The following DPP6 variants were observed in gnomAD, a reference collection of about 807,000 sequenced individuals.
DPP6 encodes the protein A-type potassium channel modulatory protein DPP6.
A neutral mutation model predicts 122.6 loss-of-function variants in DPP6; 69 were observed. The observed-to-expected ratio is 0.56, with a 90% CI of 0.46 to 0.69. The LOEUF is 0.69. Among genes scored for constraint, DPP6 ranks in the 30% least tolerant of loss-of-function variants. The probability of loss-of-function intolerance (pLI) is 0.00; values close to 1 mark genes in which losing one functional copy is unlikely to be tolerated. For synonymous variants in DPP6, 418 were observed against 433.1 expected (o/e 0.97, Z 0.43); for missense variants, 928 against 1,116.9 (o/e 0.83, Z 2.41).
chr7:153,958,323 A>T (rs1007834198), intron 1 of DPP6, among the ~76,000 whole-genome samples: 4 of 152,108 alleles, frequency 2.6e-5, no homozygotes, highest in Non-Finnish European at 4.4e-5. Context: ...TATTTTTCCA[A>T]TGTTGTCCTG....
At chr7:153,765,777 T>C in the DPP6 span, among the ~76,000 whole-genome samples, 1 of 152,218 alleles carries the variant, frequency 6.6e-6, no homozygotes, top group Non-Finnish European at 1.5e-5. Context: ...TGGAAAAATC[T>C]CATTTTCTTT....
Position 154,000,648 on chromosome 7 carries a change from A to G in DPP6, c.51+112914A>G, listed in dbSNP as rs557546202. Among the ~76,000 whole-genome samples the G allele has an allele frequency of 2.0e-5, 3 of 152,288 alleles. No homozygotes were observed. In the East Asian group the frequency reaches 5.8e-4, roughly 29 times the overall value. ...CCTAGAGAAGTTATTTTGGCTTTCA[A>G]GTTTTCATCTTTAATAAGAAGGGTT... On this transcript the variant is annotated intron_variant, in intron 1 of 25. Coordinates refer to the DPP6 transcript ENST00000404039.
At chr7:154,034,942 G>A (rs1264606982) in intron 1 of DPP6, among the ~76,000 whole-genome samples, 1 of 150,780 alleles carries the variant, frequency 6.6e-6, no homozygotes, top group Non-Finnish European at 1.5e-5. Flanking sequence ...AACCCAGATG[G>A]AAAGAACTGA....
intron 16 of DPP6, among the ~76,000 whole-genome samples, chr7:154,839,747 G>T (rs928941733): frequency 5.9e-5 from 9 of 152,134 alleles, no homozygotes; most frequent in African/African-American, 2.2e-4. Context: ...CTCAGGCAAA[G>T]AACAGCACAG....
chr7:154,398,595 G>A (rs976696555), intron 1 of DPP6, among the ~76,000 whole-genome samples: 4 of 151,282 alleles, frequency 2.6e-5, no homozygotes, highest in African/African-American at 9.8e-5. Flanking sequence ...ATTTCAAGTA[G>A]AGGGACATCC....
chr7:154,315,923 A>G (rs933890626), intron 1 of DPP6, among the ~76,000 whole-genome samples: 1 of 152,186 alleles, frequency 6.6e-6, no homozygotes, highest in South Asian at 2.1e-4. Context: ...CTTCTGAAGG[A>G]CACAAAACAT....
At chr7:154,761,573 T>C (rs1795558736) in intron 8 of DPP6, among the ~76,000 whole-genome samples, 1 of 152,186 alleles carries the variant, frequency 6.6e-6, no homozygotes, top group African/African-American at 2.4e-5. Context: ...CATAGAGGCA[T>C]CTGCTTCTGG....
intron 3 of DPP6, among the ~76,000 whole-genome samples, chr7:154,536,536 G>A (rs1336997263): frequency 6.6e-6 from 1 of 152,140 alleles, no homozygotes; most frequent in Admixed American, 6.6e-5. Flanking sequence ...ATCTCAATCA[G>A]TTTCCCAGGA....
chr7:154,637,661 C>T (rs1054501791), intron 5 of DPP6, among the ~76,000 whole-genome samples, 160 bp from the exon 6 acceptor site: 3 of 152,198 alleles, frequency 2.0e-5, no homozygotes, highest in African/African-American at 7.2e-5. Context: ...ACAGGATATG[C>T]AAATTGACTT....
intron 1 of DPP6, among the ~76,000 whole-genome samples, chr7:153,997,013 A>C (rs1197403264): frequency 1.3e-5 from 2 of 152,090 alleles, no homozygotes; most frequent in Non-Finnish European, 2.9e-5. Flanking sequence ...GAATTAAAAA[A>C]ATGGAAAATC....
the DPP6 span, among the ~76,000 whole-genome samples, chr7:153,786,936 G>C: frequency 6.9e-6 from 1 of 145,394 alleles, no homozygotes; most frequent in East Asian, 2.0e-4. Flanking sequence ...GGAAGGGGAA[G>C]ATTTCCTTTT....
chr7:153,910,600 T>C (rs976057242), intron 1 of DPP6, among the ~76,000 whole-genome samples: 1 of 152,160 alleles, frequency 6.6e-6, no homozygotes, highest in African/African-American at 2.4e-5. Context: ...CTCTGAGCTT[T>C]AGGCTTTTAC....
At chr7:154,805,523 A>G (rs770856192) in intron 15 of DPP6, among the ~76,000 whole-genome samples, 3 of 152,148 alleles carry the variant, frequency 2.0e-5, no homozygotes, top group Non-Finnish European at 4.4e-5. Flanking sequence ...AAAAAGGTTA[A>G]TCACAAATAT....
chr7:153,840,091 GT>G, the DPP6 span, among the ~76,000 whole-genome samples: 1 of 152,146 alleles, frequency 6.6e-6, no homozygotes, highest in Non-Finnish European at 1.5e-5. Flanking sequence ...TTGCAACTTT[GT>G]ACAAGGGGCA....
At chr7:153,798,008 A>AT in the DPP6 span, among the ~76,000 whole-genome samples, 2 of 151,872 alleles carry the variant, frequency 1.3e-5, no homozygotes, top group Non-Finnish European at 2.9e-5. Context: ...TGCCCAGCTA[A>AT]TTTTTTTGTA....
chr7:154,332,060 C>T (rs1335198687), intron 1 of DPP6, among the ~76,000 whole-genome samples: 3 of 149,938 alleles, frequency 2.0e-5, no homozygotes, highest in Non-Finnish European at 2.9e-5. Context: ...GTCTTCACCT[C>T]GTGCTTTTTA....
At chr7:153,937,541 G>T (rs1301631835) in intron 1 of DPP6, among the ~76,000 whole-genome samples, 1 of 145,178 alleles carries the variant, frequency 6.9e-6, no homozygotes, top group Non-Finnish European at 1.5e-5. Context: ...TCTCCCTCCC[G>T]GGTTCAAGTG....
chr7:154,193,899 G>A (rs1254816090), intron 1 of DPP6, among the ~76,000 whole-genome samples: 1 of 151,992 alleles, frequency 6.6e-6, no homozygotes, highest in Non-Finnish European at 1.5e-5. Flanking sequence ...GGTGTGCGCT[G>A]GTCTCAAGGG....
intron 1 of DPP6, among the ~76,000 whole-genome samples, chr7:154,178,981 GC>G (rs560781517): frequency 1.6e-3 from 239 of 152,244 alleles, no homozygotes; most frequent in Non-Finnish European, 2.9e-3. Context: ...CAGATTCCTG[GC>G]CCCCAGCCCC....
Sources: allele counts gnomAD v4.1 joint callset (sites outside exome capture counted in the v4.1 genomes callset), GRCh38; gene constraint gnomAD v4.1.1; transcripts MANE v1.5; gene names NCBI Gene and HGNC (gene_info 2026-07-23, HGNC 2026-07-21).